PIK3C2B: variants seen among roughly 807,000 people sequenced by gnomAD.
PIK3C2B encodes the protein phosphatidylinositol-4-phosphate 3-kinase catalytic subunit type 2 beta, also known as phosphatidylinositol 4-phosphate 3-kinase C2 domain-containing subunit beta.
In PIK3C2B, 83 loss-of-function variants were observed where a neutral mutation model predicts 184.3. That is an observed-to-expected ratio of 0.45 (90% CI 0.38 to 0.54). The LOEUF (loss-of-function observed/expected upper bound fraction) is 0.54. PIK3C2B is among the 20% of genes least tolerant of loss of function. The pLI is 0.00. For missense variants in PIK3C2B, 1,736 were observed against 2,113.5 expected, an observed-to-expected ratio of 0.82 and a Z score of 3.50; for synonymous variants, 779 against 837.6, an observed-to-expected ratio of 0.93 and a Z score of 1.21.
chr1:204,470,864 A>C (rs547482391), intron 1 of PIK3C2B, among the ~76,000 whole-genome samples: 1 of 152,360 alleles, frequency 6.6e-6, no homozygotes, highest in East Asian at 1.9e-4. Flanking sequence ...TTTGCTGAGT[A>C]AAAGATGCCA....
At chr1:204,449,793 C>G (rs1654192393) in intron 13 of PIK3C2B, 57 bp downstream of exon 13, 4 of 1,484,850 alleles carry the variant, frequency 2.7e-6, no homozygotes, top group Non-Finnish European at 3.6e-6. Flanking sequence ...AGGCCCCTTT[C>G]TCTGTCCCCC....
At chr1:204,426,862 G>A (rs1488669115) in intron 31 of PIK3C2B, among the ~76,000 whole-genome samples, 2 of 152,146 alleles carry the variant, frequency 1.3e-5, no homozygotes, top group African/African-American at 2.4e-5. Context: ...CTGGCTGGGC[G>A]TGGTGGCTCA....
intron 1 of PIK3C2B, among the ~76,000 whole-genome samples, chr1:204,477,935 T>C (rs1656840461): frequency 6.6e-6 from 1 of 152,082 alleles, no homozygotes; most frequent in Non-Finnish European, 1.5e-5. Context: ...CCTCTTGGGG[T>C]GTAAAGCAGG....
At chr1:204,460,478 T>C in intron 6 of PIK3C2B, 72 bp downstream of exon 6, 1 of 1,539,178 alleles carries the variant, frequency 6.5e-7, no homozygotes, top group South Asian at 1.1e-5. Flanking sequence ...CCCTCCCACC[T>C]GATGTGTTCT....
At chr1:204,474,008 T>TTG (rs1656500302) in intron 1 of PIK3C2B, among the ~76,000 whole-genome samples, 1 of 146,142 alleles carries the variant, frequency 6.8e-6, no homozygotes. Flanking sequence ...TTTTTTTTTT[T>TTG]GAGATGGAGT....
At chr1:204,474,788 T>C (rs1277718218) in intron 1 of PIK3C2B, among the ~76,000 whole-genome samples, 1 of 152,084 alleles carries the variant, frequency 6.6e-6, no homozygotes, top group Non-Finnish European at 1.5e-5. Flanking sequence ...TGCCCACTCA[T>C]ATCTCAAAAT....
At position 204,457,749 on chromosome 1, in the gene PIK3C2B, G is replaced by A; in HGVS notation, c.1692C>T (p.Arg564=). 1 of 1,610,164 alleles carries A rather than the reference G, an allele frequency of 6.2e-7. No individual in the cohort carries two copies. Among genetic ancestry groups the A allele is most frequent in the Non-Finnish European group, 8.5e-7 (1 of 1,178,358 alleles). ...ALNQLPPCPS[R]MQPKIQKDPS... The stretch of plus-strand genomic sequence containing the variant: ...TTACCTTCTGAATTTTAGGCTGCAT[G>A]CGGGAGGGGCAGGGGGGCAGCTGGT... The change falls in exon 9 of 33, where the codon CGC becomes CGT. Residue 564 remains arginine, a synonymous_variant. Transcript: ENST00000684373.
chr1:204,427,051 C>T (rs1025898501), intron 31 of PIK3C2B, among the ~76,000 whole-genome samples: 1 of 152,016 alleles, frequency 6.6e-6, no homozygotes, highest in African/African-American at 2.4e-5. Context: ...GCAGGAAAAT[C>T]GCTTGAACCC....
chr1:204,450,658 T>C lies in PIK3C2B; in HGVS notation c.2067-641A>G, dbSNP rs546465443. Among the ~76,000 whole-genome samples, 6 of 151,934 alleles carry C rather than the reference T, an allele frequency of 3.9e-5. No homozygotes were observed. The South Asian group carries it at 1.3e-3, about 32-fold the overall frequency. ...GGGGTTTCTCCAAGTACCCCAGTGG[T>C]GAGAAAGCCAATGGCAGGGCCAAGA... On this transcript the variant is annotated intron_variant, in intron 12 of 32. Transcript: ENST00000684373.
intron 28 of PIK3C2B, among the ~76,000 whole-genome samples, chr1:204,431,171 A>T (rs1675035612): frequency 6.6e-6 from 1 of 152,160 alleles, no homozygotes; most frequent in Non-Finnish European, 1.5e-5. Context: ...CTGGGCAACT[A>T]GCTTTCTACT....
intron 1 of PIK3C2B, among the ~76,000 whole-genome samples, chr1:204,485,476 G>T (rs534437028): frequency 4.6e-5 from 7 of 151,996 alleles, no homozygotes; most frequent in African/African-American, 1.7e-4. Context: ...GATTGAAACA[G>T]ACCACTAACT....
chr1:204,473,121 A>ATAGACTCTTGG (rs1656426839), intron 1 of PIK3C2B, among the ~76,000 whole-genome samples: 1 of 152,246 alleles, frequency 6.6e-6, no homozygotes, highest in African/African-American at 2.4e-5. Context: ...AAAGGCTCAG[A>ATAGACTCTTGG]TAGACTCTTG....
At chr1:204,437,314 G>A (rs560914804) in intron 23 of PIK3C2B, among the ~76,000 whole-genome samples, 1 of 152,196 alleles carries the variant, frequency 6.6e-6, no homozygotes, top group Non-Finnish European at 1.5e-5. Flanking sequence ...GGCCAACATG[G>A]TGAAACCCCT....
intron 5 of PIK3C2B, among the ~76,000 whole-genome samples, chr1:204,460,902 C>G (rs940263889): frequency 6.6e-6 from 1 of 152,150 alleles, no homozygotes; most frequent in African/African-American, 2.4e-5. Context: ...AATATTGACT[C>G]TCTTAGATAT....
intron 12 of PIK3C2B, 148 bp downstream of exon 12, chr1:204,454,521 C>T (rs1654658098): frequency 1.5e-6 from 1 of 645,500 alleles, no homozygotes; most frequent in South Asian, 2.3e-5. Flanking sequence ...AGTGGAGACT[C>T]AAGAGGTTGA....
intron 2 of PIK3C2B, chr1:204,466,834 G>C: frequency 1.9e-6 from 1 of 532,876 alleles, no homozygotes. Flanking sequence ...CTGCCGGGCA[G>C]AGGCTGGCAG....
In PIK3C2B at chr1:204,469,557, G is replaced by A. The variant is rs146062717; in HGVS notation, c.246C>T (p.Arg82=). The change falls in exon 2 of 33, where the codon CGC becomes CGT. Residue 82 remains arginine, a synonymous_variant. Transcript: ENST00000684373. ...GGGTAGGATCAGAGCCAGAGAGACC[G>A]CGTAACAGCTTGAGGTCGGTCCGCC... The part of the protein sequence containing the change: ...AGRRTDLKLL[R]GLSGSDPTLN... The A allele has an allele frequency of 1.1e-4, 182 of 1,594,680 alleles. 1 individual carries two copies. In the Middle Eastern group the frequency reaches 1.3e-3, roughly 12 times the overall value.
chr1:204,425,456 C>G (rs764412026), intron 32 of PIK3C2B, among the ~76,000 whole-genome samples, 157 bp downstream of exon 32: 5 of 152,202 alleles, frequency 3.3e-5, no homozygotes, highest in Non-Finnish European at 7.3e-5. Context: ...TCGATCCTGC[C>G]ATTGCAACAT....
chr1:204,440,136 A>G (rs1572303166), intron 22 of PIK3C2B, 56 bp downstream of exon 22: 1 of 1,547,522 alleles, frequency 6.5e-7, no homozygotes, highest in East Asian at 2.4e-5. Flanking sequence ...CAATGGGCAG[A>G]AGGACAATAA....
Sources: gnomAD v4.1 joint callset for allele counts (sites outside exome capture counted in the v4.1 genomes callset) on GRCh38, gnomAD v4.1.1 for gene constraint, MANE v1.5 for transcripts, NCBI Gene and HGNC (gene_info 2026-07-23, HGNC 2026-07-21) for gene names.